Variants in PROSER2 observed in about 807,000 individuals in gnomAD.
PROSER2 encodes the protein proline and serine-rich protein 2.
Under a neutral mutation model 14.6 loss-of-function variants are expected in PROSER2, and 18 were observed. That is an observed-to-expected ratio of 1.23 (90% confidence interval 0.85 to 1.83). The LOEUF (loss-of-function observed/expected upper bound fraction) is 1.83, where lower values mean the gene tolerates loss of function less well. Ranked by LOEUF, PROSER2 falls within the 40% of genes most tolerant of loss-of-function variation. The pLI is 0.00. For missense variants in PROSER2, 823 were observed against 629.8 expected (o/e 1.31, Z -3.28); for synonymous variants, 367 against 286.4 (o/e 1.28, Z -2.84).
In PROSER2 at chr10:11,865,979, C is replaced by T. The variant is rs112995370; in HGVS notation, c.139-552C>T. 6.5e-3 allele frequency among the ~76,000 whole-genome samples: 986 copies of T among 152,244 alleles called. 16 individuals are homozygous for T. The highest frequency in any genetic ancestry group is 0.023 in the African/African-American group (945 of 41,540). ...TTCCTGGGCCTTCTCAGTCAGTTTC[C>T]ACCTGTCCTGCTCTCCGGCTGCCCT... On this transcript the variant is annotated intron_variant, in intron 2 of 3. Transcript: ENST00000277570. The surrounding 1 kb of genome is among the most constrained non-coding windows in gnomAD (Gnocchi z 4.2).
At chr10:11,845,988 T>C (rs1013983483) in intron 1 of PROSER2, among the ~76,000 whole-genome samples, 1 of 152,130 alleles carries the variant, frequency 6.6e-6, no homozygotes, top group African/African-American at 2.4e-5. Flanking sequence ...CATTCATGCA[T>C]TCATTCATTC....
intron 1 of PROSER2, among the ~76,000 whole-genome samples, chr10:11,845,621 G>C (rs530118043): frequency 6.6e-6 from 1 of 152,104 alleles, no homozygotes; most frequent in African/African-American, 2.4e-5. Context: ...AGCAACACTC[G>C]GTAGCTGTTA....
rs115348743 is a variant in PROSER2 at position 11,856,214 on chromosome 10, C to G, written c.138+3999C>G. On this transcript the variant is annotated intron_variant, in intron 2 of 3. Coordinates refer to ENST00000277570, the MANE Select transcript of PROSER2 (RefSeq NM_153256.4). This position sits in a 1 kb window ranked among gnomAD's most constrained non-coding sequence, Gnocchi z 5.3. ...CTTGAGATGTCCATATGTGACAGCTCTCCTCTCCATGGCTGCTGCAGGCGG... is the reference window on the plus strand; with the variant it reads ...CTTGAGATGTCCATATGTGACAGCTGTCCTCTCCATGGCTGCTGCAGGCGG... 8.5e-3 allele frequency among the ~76,000 whole-genome samples: 1,294 copies of G among 152,296 alleles called. 21 individuals are homozygous for G. The highest frequency in any genetic ancestry group is 0.029 in the African/African-American group (1,216 of 41,564).
chr10:11,828,046 A>T (rs1050841432), intron 1 of PROSER2, among the ~76,000 whole-genome samples: 1 of 152,106 alleles, frequency 6.6e-6, no homozygotes, highest in Non-Finnish European at 1.5e-5. Context: ...TGGGCATATC[A>T]GGATAAAGAA....
chr10:11,829,591 AAG>A (rs985863400), intron 1 of PROSER2, among the ~76,000 whole-genome samples: 4 of 151,918 alleles, frequency 2.6e-5, no homozygotes, highest in South Asian at 2.1e-4. Context: ...CAAAAAAAAA[AAG>A]AGTGTTGTGC....
chr10:11,853,471 C>T (rs1380143432), intron 2 of PROSER2, among the ~76,000 whole-genome samples: 1 of 152,110 alleles, frequency 6.6e-6, no homozygotes, highest in East Asian at 1.9e-4. Flanking sequence ...ACCTGTAATC[C>T]CAGCTACTCG....
intron 1 of PROSER2, among the ~76,000 whole-genome samples, chr10:11,842,641 A>G (rs1257656475): frequency 1.3e-5 from 2 of 152,118 alleles, no homozygotes; most frequent in East Asian, 3.9e-4. Flanking sequence ...TTTTTAGTCC[A>G]AATCTTTCCT....
rs1252670477 is a variant in PROSER2, at chr10:11,872,206, C to A, written c.*1800C>A. On this transcript the variant is annotated 3_prime_UTR_variant, in exon 4 of 4. Transcript: ENST00000277570. ...ATGATTTCACTGTGAGTAGGGTGAA[C>A]TGGACTGCATATTAGTTTATTTGTT... is the stretch of plus-strand genomic sequence containing the variant. 6.6e-6 allele frequency: 1 copy of A among 152,214 alleles called. No homozygotes were observed. Among genetic ancestry groups the A allele is most frequent in the African/African-American group, 2.4e-5 (1 of 41,442 alleles). The allele number at this position is 152,214 out of a possible 1,614,324, so 9.4% of individuals were successfully genotyped here. A position where few individuals can be genotyped will look rare whatever the true frequency, so the allele number is the denominator to read the frequency against.
Position 11,871,337 on chromosome 10 carries a change from T to C in PROSER2, c.*931T>C, listed in dbSNP as rs1834486046. 6.6e-6 allele frequency: 1 copy of C among 152,246 alleles called. No individual in the cohort carries two copies. The highest frequency in any genetic ancestry group is 2.1e-4 in the South Asian group (1 of 4,834). 9.4% of individuals were successfully genotyped at this position (152,246 alleles called of 1,614,324 possible). A position where few individuals can be genotyped will look rare whatever the true frequency, so the allele number is the denominator to read the frequency against. ...GTCTTAAGGACACGTCTCCATGATA[T>C]TTTGGTGAACCAAAAGTGCTTTATC... On this transcript the variant is annotated 3_prime_UTR_variant, in exon 4 of 4. Transcript: ENST00000277570.
intron 1 of PROSER2, chr10:11,850,882 C>G (rs1834006254): frequency 6.6e-6 from 1 of 152,228 alleles, no homozygotes; most frequent in Non-Finnish European, 1.5e-5. Context: ...CTTTGTTGAA[C>G]TGTCTAACAT....
Position 11,869,988 on chromosome 10 carries a change from C to A in PROSER2, c.890C>A (p.Pro297His). Reference sequence around the variant, plus strand: ...ATCCACGGCCACGCCGGCGCCTTCCCCGCCGCGGGGGACGCCGGCGAGGGG... The same window carrying A: ...ATCCACGGCCACGCCGGCGCCTTCCACGCCGCGGGGGACGCCGGCGAGGGG... ...ATIHGHAGAF[P>H]AAGDAGEGAP... The change falls in exon 4 of 4, where the codon CCC (proline) becomes CAC (histidine). Residue 297 changes from proline (P) to histidine (H), a missense_variant. By Grantham distance (77) the Pro-to-His change is moderately conservative. Coordinates refer to ENST00000277570, the MANE Select transcript of PROSER2 (RefSeq NM_153256.4). This position sits in a 1 kb window ranked among gnomAD's most constrained non-coding sequence, Gnocchi z 4.4. 7.8e-7 allele frequency: 1 copy of A among 1,281,164 alleles called. No homozygotes were observed. The highest frequency in any genetic ancestry group is 2.6e-5 in the South Asian group (1 of 37,948). The allele number at this position is 1,281,164 out of a possible 1,614,324, so 79.4% of individuals were successfully genotyped here. A position where few individuals can be genotyped will look rare whatever the true frequency, so the allele number is the denominator to read the frequency against.
rs769729740 is a variant in PROSER2 at position 11,869,846 on chromosome 10, G to A, written c.748G>A (p.Ala250Thr). 5.0e-6 allele frequency: 8 copies of A among 1,586,604 alleles called. No individual in the cohort carries two copies. The highest frequency in any genetic ancestry group is 3.5e-5 in the Admixed American group (2 of 56,466). ...GCCCAGCCACCCGGCGCAGCCCAAGGCACCCCGCTTCCCCAGCAACATCAT... is the reference window on the plus strand; with the variant it reads ...GCCCAGCCACCCGGCGCAGCCCAAGACACCCCGCTTCCCCAGCAACATCAT... ...PGPSHPAQPK[A>T]PRFPSNIIVT... The change falls in exon 4 of 4, where the codon GCA becomes ACA. Residue 250 changes from alanine to threonine, a missense_variant. Ala to Thr is a moderately conservative substitution (Grantham distance 58). Coordinates refer to ENST00000277570, the MANE Select transcript of PROSER2 (RefSeq NM_153256.4). This position sits in a 1 kb window ranked among gnomAD's most constrained non-coding sequence, Gnocchi z 4.4.
Position 11,871,363 on chromosome 10 carries a change from C to T in PROSER2, c.*957C>T, listed in dbSNP as rs927643916. 6.6e-6 allele frequency: 1 copy of T among 152,194 alleles called. No homozygotes were observed. The highest frequency in any genetic ancestry group is 6.5e-5 in the Admixed American group (1 of 15,272). 9.4% of individuals were successfully genotyped at this position (152,194 alleles called of 1,614,324 possible). ...TTTGGTGAACCAAAAGTGCTTTATC[C>T]TCAACAAAATGTTCCTCTGTTCCCA... On this transcript the variant is annotated 3_prime_UTR_variant, in exon 4 of 4. Transcript: ENST00000277570.
At position 11,866,522 on chromosome 10, in the gene PROSER2, G is replaced by A. The variant is rs578123090; in HGVS notation, c.139-9G>A. The A allele has an allele frequency of 1.9e-6, 3 of 1,613,796 alleles. No homozygotes were observed. The highest frequency in any genetic ancestry group is 2.7e-5 in the African/African-American group (2 of 75,034). On this transcript the variant is annotated splice_polypyrimidine_tract_variant and intron_variant, in intron 2 of 3. Coordinates refer to ENST00000277570, the MANE Select transcript of PROSER2 (RefSeq NM_153256.4). The surrounding 1 kb of genome is among the most constrained non-coding windows in gnomAD (Gnocchi z 6.0). ...TTTCTCTCTTCTGTTCCCAATCCCTGTACTCTAGGATGATGAGAGCCTGAA... is the reference window on the plus strand; with the variant it reads ...TTTCTCTCTTCTGTTCCCAATCCCTATACTCTAGGATGATGAGAGCCTGAA...
At chr10:11,840,441 G>T (rs979762420) in intron 1 of PROSER2, among the ~76,000 whole-genome samples, 5 of 152,058 alleles carry the variant, frequency 3.3e-5, no homozygotes, top group Non-Finnish European at 7.4e-5. Context: ...CATCACGTTG[G>T]AAAATTAATG....
intron 1 of PROSER2, among the ~76,000 whole-genome samples, chr10:11,843,724 C>T (rs1833884270): frequency 2.0e-5 from 3 of 151,206 alleles, no homozygotes; most frequent in Admixed American, 1.3e-4. Flanking sequence ...TGGTGGTGGG[C>T]TCCTGCAATC....
intron 2 of PROSER2, among the ~76,000 whole-genome samples, chr10:11,854,512 T>C (rs985057475): frequency 6.6e-6 from 1 of 152,168 alleles, no homozygotes; most frequent in African/African-American, 2.4e-5. Context: ...GGTCTTGCTA[T>C]GTTGAACAGG....
intron 2 of PROSER2, among the ~76,000 whole-genome samples, chr10:11,855,140 G>GT (rs200816965): frequency 0.12 from 16,041 of 134,722 alleles, 1,161 homozygotes; most frequent in East Asian, 0.16. Context: ...ATTTATAGAG[G>GT]TTTTTTGTTT....
rs972766905 is a variant in PROSER2, at chr10:11,837,909, G to A, written c.-81-14088G>A. Among the ~76,000 whole-genome samples the A allele has an allele frequency of 1.3e-5, 2 of 151,754 alleles. No individual in the cohort carries two copies. The highest frequency in any genetic ancestry group is 4.2e-4 in the South Asian group (2 of 4,790). On this transcript the variant is annotated intron_variant, in intron 1 of 3. Transcript: ENST00000277570. The surrounding 1 kb of genome is among the most constrained non-coding windows in gnomAD (Gnocchi z 4.6). Reference sequence around the variant, plus strand: ...TTCGGGGTTTTTCCTCTTCCTGTTCGTACACCCTTGCGGTCTTCGGACTTC... The same window carrying A: ...TTCGGGGTTTTTCCTCTTCCTGTTCATACACCCTTGCGGTCTTCGGACTTC...
Sources: allele counts gnomAD v4.1 joint callset (sites outside exome capture counted in the v4.1 genomes callset), GRCh38; gene constraint gnomAD v4.1.1; non-coding constraint Gnocchi (gnomAD v3.1); transcripts MANE v1.5; gene names NCBI Gene and HGNC (gene_info 2026-07-23, HGNC 2026-07-21).